Variants in MYOF observed in about 807,000 individuals in gnomAD.
MYOF encodes fer-1-like 3, myoferlin.
In MYOF, 244 loss-of-function variants were observed where a neutral mutation model predicts 284.2. That is an observed-to-expected ratio of 0.86 (90% CI 0.77 to 0.95). The LOEUF (loss-of-function observed/expected upper bound fraction) is 0.95, where lower values mean the gene tolerates loss of function less well. MYOF is among the 40% of genes least tolerant of loss of function. MYOF has a pLI of 0.00. For synonymous variants in MYOF, 904 were observed against 919.7 expected (o/e 0.98, Z 0.31); for missense variants, 2,496 against 2,560.6 (o/e 0.97, Z 0.54).
rs544910138 is a variant in MYOF, at chr10:93,338,561, C to A, written c.4339-648G>T. On this transcript the variant is annotated intron_variant, in intron 39 of 53. Coordinates refer to ENST00000359263, the MANE Select transcript of MYOF (RefSeq NM_013451.4). Reference sequence around the variant, plus strand: ...TACCTCCAAAAGTTGTTCTGGAAATCATATGGGATCTTTAGGAGAAAGAGC... The same window carrying A: ...TACCTCCAAAAGTTGTTCTGGAAATAATATGGGATCTTTAGGAGAAAGAGC... 944 of 453,000 alleles carry A rather than the reference C, an allele frequency of 2.1e-3. 20 individuals are homozygous for A. Among genetic ancestry groups the A allele is most frequent in the South Asian group, 0.013 (835 of 64,026 alleles). 28.1% of individuals were successfully genotyped at this position (453,000 alleles called of 1,614,324 possible). A position where few individuals can be genotyped will look rare whatever the true frequency, so the allele number is the denominator to read the frequency against.
intron 48 of MYOF, among the ~76,000 whole-genome samples, chr10:93,322,703 G>C (rs539457446): frequency 9.2e-5 from 14 of 152,140 alleles, no homozygotes; most frequent in Non-Finnish European, 1.3e-4. Context: ...GAAATTTTGG[G>C]AGCTTTACTT....
At chr10:93,311,510 A>T (rs1439471048) in intron 51 of MYOF, among the ~76,000 whole-genome samples, 3 of 151,470 alleles carry the variant, frequency 2.0e-5, no homozygotes, top group Non-Finnish European at 4.4e-5. Flanking sequence ...AGTCCCAGCT[A>T]CTTGGGAGGC....
intron 7 of MYOF, among the ~76,000 whole-genome samples, chr10:93,406,296 A>G (rs1360298212): frequency 1.1e-5 from 1 of 94,328 alleles, no homozygotes; most frequent in African/African-American, 2.9e-5. Flanking sequence ...TTTTATATAT[A>G]TATATATATA....
At chr10:93,327,119 C>T (rs1315064408) in intron 45 of MYOF, among the ~76,000 whole-genome samples, 1 of 152,038 alleles carries the variant, frequency 6.6e-6, no homozygotes, top group Non-Finnish European at 1.5e-5. Flanking sequence ...TGGGGACCCT[C>T]ACTCTGGGGG....
intron 1 of MYOF, chr10:93,478,293 C>T (rs6583893): frequency 0.78 from 189,552 of 243,450 alleles, 74,600 homozygotes; most frequent in Non-Finnish European, 0.83. Context: ...CCTGGCTGTC[C>T]GCATGGAACT....
chr10:93,433,894 G>T (rs1020359523), intron 3 of MYOF, among the ~76,000 whole-genome samples: 1 of 152,130 alleles, frequency 6.6e-6, no homozygotes, highest in Non-Finnish European at 1.5e-5. Flanking sequence ...TAACGCTGGG[G>T]TCTGTAACCC....
chr10:93,332,968 G>A (rs773588737), intron 43 of MYOF, among the ~76,000 whole-genome samples: 11 of 152,144 alleles, frequency 7.2e-5, no homozygotes, highest in Non-Finnish European at 1.2e-4. Context: ...ACTCCAACTG[G>A]CCTGTGCTCC....
intron 2 of MYOF, among the ~76,000 whole-genome samples, chr10:93,455,454 G>C (rs1389163219): frequency 6.6e-6 from 1 of 152,038 alleles, no homozygotes; most frequent in Admixed American, 6.6e-5. Context: ...GATCACTTGA[G>C]CTCAGGAGTT....
At position 93,333,212 on chromosome 10, in the gene MYOF, G is replaced by A. The variant is rs1014760466; in HGVS notation, c.4811+9C>T. On this transcript the variant is annotated intron_variant, in intron 43 of 53. Coordinates refer to ENST00000359263, the MANE Select transcript of MYOF (RefSeq NM_013451.4). ...GAAGGCCAGAAAAACATTTAAGAATGTATATTACCTGCCAAAGACTGGGTT... is the reference window on the plus strand; with the variant it reads ...GAAGGCCAGAAAAACATTTAAGAATATATATTACCTGCCAAAGACTGGGTT... The A allele has an allele frequency of 6.2e-7, 1 of 1,608,602 alleles. No homozygotes were observed. Among genetic ancestry groups the A allele is most frequent in the African/African-American group, 1.3e-5 (1 of 74,916 alleles).
chr10:93,478,857 A>AAAGAAAGAAAGG (rs1554875987), intron 1 of MYOF, among the ~76,000 whole-genome samples: 6 of 150,742 alleles, frequency 4.0e-5, no homozygotes, highest in African/African-American at 1.5e-4. Flanking sequence ...AGAAAGAAAG[A>AAAGAAAGAAAGG]AAGGGTTTGA....
chr10:93,471,902 A>G (rs2057155128), intron 1 of MYOF, among the ~76,000 whole-genome samples: 1 of 151,574 alleles, frequency 6.6e-6, no homozygotes, highest in Admixed American at 6.6e-5. Flanking sequence ...AAAAAAAAAA[A>G]AGGCTCGGCA....
At chr10:93,325,773 C>A in intron 46 of MYOF, 53 bp downstream of exon 46, 1 of 1,550,098 alleles carries the variant, frequency 6.5e-7, no homozygotes, top group Non-Finnish European at 8.7e-7. Context: ...TCAACTACTG[C>A]CATTGCATTT....
rs1172922221 is a variant in MYOF, at chr10:93,409,664, A to G, written c.509T>C (p.Val170Ala). The G allele has an allele frequency of 8.7e-6, 14 of 1,614,188 alleles. No individual in the cohort carries two copies. Among genetic ancestry groups the G allele is most frequent in the Non-Finnish European group, 1.2e-5 (14 of 1,180,028 alleles). The part of the protein sequence containing the change: ...AVRGPGPKGP[V>A]GTVSEAQLAR... ...AAGCTGAGCTTCCGACACCGTCCCA[A>G]CTGGCCCCTTGGGCCCAGGGCCCCT... is the stretch of plus-strand genomic sequence containing the variant. The change falls in exon 6 of 54, where the codon GTT becomes GCT. Residue 170 changes from valine to alanine, a missense_variant. This residue lies in a region of MYOF where 2,436 missense variants were observed against 2,480.7 expected (regional missense o/e 0.98). Coordinates refer to ENST00000359263, the MANE Select transcript of MYOF (RefSeq NM_013451.4).
chr10:93,428,989 C>T (rs1848721527), intron 4 of MYOF, among the ~76,000 whole-genome samples: 1 of 152,170 alleles, frequency 6.6e-6, no homozygotes, highest in South Asian at 2.1e-4. Flanking sequence ...CATTTACTTT[C>T]CTTACTCCAT....
intron 7 of MYOF, among the ~76,000 whole-genome samples, chr10:93,405,937 A>G (rs1847543106): frequency 6.6e-6 from 1 of 151,168 alleles, no homozygotes; most frequent in Non-Finnish European, 1.5e-5. Context: ...AGCTGGGATT[A>G]CAGCCACCCA....
At chr10:93,425,982 T>A (rs1479269962) in intron 5 of MYOF, 89 bp downstream of exon 5, 4 of 1,350,102 alleles carry the variant, frequency 3.0e-6, no homozygotes, top group Non-Finnish European at 4.1e-6. Context: ...AGGCTTGTGA[T>A]CAATGGCAGG....
intron 3 of MYOF, among the ~76,000 whole-genome samples, chr10:93,436,282 C>T (rs1163337487): frequency 2.6e-5 from 4 of 152,100 alleles, no homozygotes; most frequent in African/African-American, 7.2e-5. Flanking sequence ...CGCTAGTTTC[C>T]CTTCCCCCAG....
rs1564732516 is a variant in MYOF at position 93,454,986 on chromosome 10, T to TAAAAAAAAAAA, written c.144+1895_144+1896insTTTTTTTTTTT. On this transcript the variant is annotated intron_variant, in intron 2 of 53. Transcript: ENST00000359263. ...AGAGCGAGACCCTGTCTTTTTTTAA[T>TAAAAAAAAAAA]TAAAAAAAAAAAAAAAAAAAAAAAA... 2.4e-5 allele frequency among the ~76,000 whole-genome samples: 2 copies of TAAAAAAAAAAA among 84,586 alleles called. 1 individual carries two copies. The allele number at this position is 84,586 out of a possible 152,430, so 55.5% of individuals were successfully genotyped here.
At chr10:93,476,923 C>T (rs921638091) in intron 1 of MYOF, among the ~76,000 whole-genome samples, 25 of 152,220 alleles carry the variant, frequency 1.6e-4, no homozygotes, top group African/African-American at 6.0e-4. Context: ...AAAAGATTTA[C>T]ACAAGACCAG....
Sources: gnomAD v4.1 joint callset for allele counts (sites outside exome capture counted in the v4.1 genomes callset) on GRCh38, gnomAD v4.1.1 for gene constraint, gnomAD v4.1.1 regional missense constraint, MANE v1.5 for transcripts, NCBI Gene and HGNC (gene_info 2026-07-23, HGNC 2026-07-21) for gene names.